Variants in YTHDC2 observed in about 807,000 individuals in gnomAD.
YTHDC2 encodes YTH N6-methyladenosine RNA binding protein C2, also known as 3'-5' RNA helicase YTHDC2.
YTHDC2 carries 45 observed loss-of-function variants against 174.9 expected under a neutral mutation model. The observed-to-expected ratio is 0.26, with a 90% CI of 0.20 to 0.33. The LOEUF is 0.33. Ranked by LOEUF, YTHDC2 falls within the 10% of genes least tolerant of loss-of-function variation. The pLI is 1.00. For missense variants in YTHDC2, 1,650 were observed against 1,723.7 expected, an observed-to-expected ratio of 0.96 and a Z score of 0.76; for synonymous variants, 657 against 574.5, an observed-to-expected ratio of 1.14 and a Z score of -2.05.
intron 26 of YTHDC2, 67 bp from the exon 27 acceptor site, chr5:113,590,974 A>G: frequency 7.4e-7 from 1 of 1,351,606 alleles, no homozygotes; most frequent in Non-Finnish European, 1.0e-6. Context: ...TGAAGATGTT[A>G]TTTAATGGAG....
intron 28 of YTHDC2, 176 bp downstream of exon 28, chr5:113,592,354 T>C (rs1420335499): frequency 1.1e-5 from 6 of 523,490 alleles, no homozygotes; most frequent in Non-Finnish European, 1.9e-5. Context: ...ATGTGTCTGA[T>C]TGCTCCTTGC....
intron 23 of YTHDC2, 77 bp from the exon 24 acceptor site, chr5:113,579,509 C>T (rs1778263786): frequency 6.9e-6 from 7 of 1,019,612 alleles, no homozygotes; most frequent in Admixed American, 5.0e-5. Context: ...GTATATGAAG[C>T]GTATTTATTC....
At chr5:113,551,498 A>C (rs770681712) in intron 12 of YTHDC2, among the ~76,000 whole-genome samples, 19 of 152,294 alleles carry the variant, frequency 1.2e-4, no homozygotes, top group Non-Finnish European at 2.8e-4. Context: ...TATGTGTTAA[A>C]AATTAAAAAA....
chr5:113,561,575 T>C (rs1580588291), intron 18 of YTHDC2, among the ~76,000 whole-genome samples: 1 of 151,846 alleles, frequency 6.6e-6, no homozygotes, highest in East Asian at 1.9e-4. Context: ...TTCAAGCGAT[T>C]CTCTGGCCTC....
intron 7 of YTHDC2, among the ~76,000 whole-genome samples, chr5:113,537,937 T>G (rs547704862): frequency 7.2e-5 from 11 of 152,266 alleles, no homozygotes; most frequent in Admixed American, 5.9e-4. Context: ...GTACATATGC[T>G]AATCGAAAGC....
At chr5:113,534,280 CTT>C (rs770260725) in intron 5 of YTHDC2, 23 bp from the exon 6 acceptor site, 3 of 1,592,860 alleles carry the variant, frequency 1.9e-6, no homozygotes, top group East Asian at 2.2e-5. Flanking sequence ...CAATTGTGCA[CTT>C]TGTTTTGCTT....
intron 2 of YTHDC2, among the ~76,000 whole-genome samples, chr5:113,517,089 G>T (rs1226400397): frequency 6.6e-6 from 1 of 152,138 alleles, no homozygotes; most frequent in East Asian, 1.9e-4. Flanking sequence ...AAAGGTATTT[G>T]GGTATATTTG....
Position 113,553,581 on chromosome 5 carries a change from T to C in YTHDC2, c.1868-9T>C, listed in dbSNP as rs141697736. 2.9e-4 allele frequency: 471 copies of C among 1,611,218 alleles called. 2 individuals carry two copies. The African/African-American group carries it at 5.6e-3, about 19-fold the overall frequency. On this transcript the variant is annotated splice_polypyrimidine_tract_variant and intron_variant, in intron 13 of 29. Coordinates refer to ENST00000161863, the MANE Select transcript of YTHDC2 (RefSeq NM_022828.5). ...GAGATTTAATATTAAAAAGTCATTC[T>C]TCTCCAAGGTGCAGTACTAATTTTT... is the stretch of plus-strand genomic sequence containing the variant.
chr5:113,569,888 T>C (rs192558941), intron 23 of YTHDC2, among the ~76,000 whole-genome samples: 2 of 152,022 alleles, frequency 1.3e-5, no homozygotes, highest in African/African-American at 2.4e-5. Flanking sequence ...ACTGTCAGTA[T>C]AATGGGAATA....
intron 10 of YTHDC2, among the ~76,000 whole-genome samples, chr5:113,548,003 A>C (rs776298567): frequency 2.0e-5 from 3 of 152,198 alleles, no homozygotes; most frequent in Non-Finnish European, 2.9e-5. Flanking sequence ...TTTTATGGGA[A>C]ATAAACTTTC....
intron 2 of YTHDC2, among the ~76,000 whole-genome samples, chr5:113,522,517 G>C (rs1273275488): frequency 6.6e-6 from 1 of 151,958 alleles, no homozygotes; most frequent in Non-Finnish European, 1.5e-5. Context: ...ATTGCATATG[G>C]GGTTTACCTT....
intron 12 of YTHDC2, among the ~76,000 whole-genome samples, chr5:113,551,333 C>T (rs747471210): frequency 2.0e-5 from 3 of 151,352 alleles, no homozygotes; most frequent in Admixed American, 6.6e-5. Flanking sequence ...TTTTAATTAT[C>T]CTGGCTAACT....
At chr5:113,520,244 T>C (rs1474490749) in intron 2 of YTHDC2, among the ~76,000 whole-genome samples, 2 of 152,210 alleles carry the variant, frequency 1.3e-5, no homozygotes, top group Non-Finnish European at 2.9e-5. Context: ...TCTTTTTTTA[T>C]GGCTGCACAA....
At chr5:113,544,524 C>G (rs1775718875) in intron 10 of YTHDC2, among the ~76,000 whole-genome samples, 2 of 152,142 alleles carry the variant, frequency 1.3e-5, no homozygotes, top group African/African-American at 4.8e-5. Context: ...AGGAAGTTCA[C>G]TACCTTTCTT....
intron 12 of YTHDC2, among the ~76,000 whole-genome samples, chr5:113,552,487 A>G (rs1368853044): frequency 6.6e-6 from 1 of 152,168 alleles, no homozygotes; most frequent in East Asian, 1.9e-4. Context: ...AGCATAAAAT[A>G]TCCATGTTGT....
intron 28 of YTHDC2, chr5:113,592,701 C>A (rs1225893336): frequency 6.6e-6 from 1 of 152,262 alleles, no homozygotes; most frequent in African/African-American, 2.4e-5. Flanking sequence ...TTTCAAATCA[C>A]CATGTAAAAA....
At chr5:113,557,969 T>C (rs1012586058) in intron 17 of YTHDC2, among the ~76,000 whole-genome samples, 1 of 152,174 alleles carries the variant, frequency 6.6e-6, no homozygotes, top group African/African-American at 2.4e-5. Context: ...GTAGGGCAAA[T>C]GTTGCAGTCC....
In YTHDC2 at chr5:113,563,477, T is replaced by C. The variant is rs1240694040; in HGVS notation, c.2427T>C (p.Ala809=). 1.9e-6 allele frequency: 3 copies of C among 1,607,504 alleles called. No homozygotes were observed. In the African/African-American group the frequency reaches 4.0e-5, roughly 21 times the overall value. The part of the protein sequence containing the change: ...EPPPALIVRN[A]VQMLKTIDAM... ...CACCAGCTTTAATTGTAAGAAATGC[T>C]GTACAAATGCTTAAGGTTGGTGTCT... Residue 809 remains alanine (A), a synonymous_variant, in exon 19 of 30, where the codon GCT becomes GCC. Transcript: ENST00000161863.
intron 26 of YTHDC2, among the ~76,000 whole-genome samples, chr5:113,589,800 G>A (rs1269315351): frequency 3.3e-5 from 5 of 151,878 alleles, no homozygotes; most frequent in African/African-American, 4.8e-5. Context: ...TACCTTCTTG[G>A]ACATAATGAA....
Sources: allele counts gnomAD v4.1 joint callset (sites outside exome capture counted in the v4.1 genomes callset), GRCh38; gene constraint gnomAD v4.1.1; transcripts MANE v1.5; gene names NCBI Gene and HGNC (gene_info 2026-07-23, HGNC 2026-07-21).